Variants in MYO5A observed in about 807,000 individuals in gnomAD.
MYO5A encodes unconventional myosin-Va.
In MYO5A, 98 loss-of-function variants were observed where a neutral mutation model predicts 249.7. The observed-to-expected ratio is 0.39, with a 90% CI of 0.33 to 0.46. The LOEUF (loss-of-function observed/expected upper bound fraction) is 0.46. Ranked by LOEUF, MYO5A falls within the 20% of genes least tolerant of loss-of-function variation. MYO5A has a pLI of 0.98. For missense variants in MYO5A, 1,696 were observed against 2,308.8 expected (o/e 0.73, Z 5.44); for synonymous variants, 778 against 810.6 (o/e 0.96, Z 0.68).
intron 9 of MYO5A, 123 bp from the exon 10 acceptor site, chr15:52,397,589 A>G: frequency 8.6e-7 from 1 of 1,156,528 alleles, no homozygotes; most frequent in East Asian, 2.5e-5. Context: ...AAACACCAAG[A>G]TCACTCAAAG....
At chr15:52,448,480 AT>A (rs2075942630) in intron 1 of MYO5A, among the ~76,000 whole-genome samples, 2 of 152,100 alleles carry the variant, frequency 1.3e-5, no homozygotes, top group South Asian at 4.1e-4. Context: ...CTCAAATGAG[AT>A]TTTGGATTTT....
intron 27 of MYO5A, 141 bp from the exon 28 acceptor site, chr15:52,351,622 C>T (rs926427183): frequency 7.6e-6 from 6 of 788,116 alleles, no homozygotes; most frequent in Non-Finnish European, 1.0e-5. Flanking sequence ...CTAGGTTCTG[C>T]CAGGAGCCCT....
At chr15:52,477,451 C>T (rs968580004) in intron 1 of MYO5A, among the ~76,000 whole-genome samples, 10 of 152,190 alleles carry the variant, frequency 6.6e-5, no homozygotes, top group East Asian at 3.8e-4. Context: ...CAAGGAGCTG[C>T]GTTCCTTTGT....
At chr15:52,526,120 G>A (rs1390535224) in intron 1 of MYO5A, among the ~76,000 whole-genome samples, 1 of 152,242 alleles carries the variant, frequency 6.6e-6, no homozygotes, top group Non-Finnish European at 1.5e-5. Flanking sequence ...AGAAGGCAGT[G>A]TAAGCCCCAA....
Position 52,416,135 on chromosome 15 carries a change from G to C in MYO5A, c.612+10C>G. On this transcript the variant is annotated intron_variant, in intron 5 of 41. Coordinates refer to ENST00000399233, the MANE Select transcript of MYO5A (RefSeq NM_001382347.1). ...AATATAGGAAGAAAGCCGAAGACTC[G>C]CTGTCTTACCTCCATGATGGGGTTG... The C allele has an allele frequency of 6.2e-7, 1 of 1,613,518 alleles. No individual in the cohort carries two copies. Among genetic ancestry groups the C allele is most frequent in the Non-Finnish European group, 8.5e-7 (1 of 1,179,664 alleles).
chr15:52,410,469 C>T lies in MYO5A; in HGVS notation c.620G>A (p.Gly207Glu). 1 of 1,612,774 alleles carries T rather than the reference C, an allele frequency of 6.2e-7. No homozygotes were observed. The highest frequency in any genetic ancestry group is 8.5e-7 in the Non-Finnish European group (1 of 1,179,036). The change falls in exon 6 of 42, where the codon GGA (glycine) becomes GAA (glutamate). Residue 207 changes from glycine (G) to glutamate (E), a missense_variant. Physicochemically the swap from Gly to Glu is moderately conservative, Grantham distance 98. Around this residue, in one of 5 missense-constraint regions of MYO5A, gnomAD observed 197 missense variants for 320.3 expected, o/e 0.62. Coordinates refer to ENST00000399233, the MANE Select transcript of MYO5A (RefSeq NM_001382347.1). Reference sequence around the variant, plus strand: ...ATCATTCCTGGTTGTTTTAGCATTTCCAATGGACTAAAAAGCAAGGGAGAA... The same window carrying T: ...ATCATTCCTGGTTGTTTTAGCATTTTCAATGGACTAAAAAGCAAGGGAGAA... ...LASNPIMESI[G>E]NAKTTRNDNS...
intron 1 of MYO5A, among the ~76,000 whole-genome samples, chr15:52,440,255 C>CT (rs1199287897): frequency 7.6e-5 from 11 of 144,868 alleles, no homozygotes; most frequent in African/African-American, 7.4e-5. Context: ...CACCAGCCAT[C>CT]TTTTTTTTTT....
intron 1 of MYO5A, among the ~76,000 whole-genome samples, chr15:52,521,192 C>A (rs1012274497): frequency 6.0e-5 from 9 of 150,060 alleles, no homozygotes; most frequent in Non-Finnish European, 1.2e-4. Context: ...CACGCCACTG[C>A]ACTCCAGCCT....
At chr15:52,504,289 G>C (rs571779898) in intron 1 of MYO5A, among the ~76,000 whole-genome samples, 6 of 152,176 alleles carry the variant, frequency 3.9e-5, no homozygotes, top group African/African-American at 1.4e-4. Flanking sequence ...CCTCTGTCAT[G>C]TTCAGGTTTC....
intron 4 of MYO5A, among the ~76,000 whole-genome samples, chr15:52,418,772 C>A (rs1320503126): frequency 8.4e-6 from 1 of 119,428 alleles, no homozygotes; most frequent in African/African-American, 3.3e-5. Flanking sequence ...GAGAGAGAGC[C>A]GGGGTGGGGG....
intron 14 of MYO5A, among the ~76,000 whole-genome samples, chr15:52,385,648 C>T (rs1489551168): frequency 6.6e-6 from 1 of 151,952 alleles, no homozygotes; most frequent in Non-Finnish European, 1.5e-5. Flanking sequence ...CATAAATACA[C>T]AAACATACTC....
At chr15:52,348,721 G>T in intron 29 of MYO5A, 97 bp downstream of exon 29, 1 of 1,035,072 alleles carries the variant, frequency 9.7e-7, no homozygotes, top group Non-Finnish European at 1.4e-6. Flanking sequence ...AATAGACTTG[G>T]TCAGAAAGCA....
At chr15:52,430,611 C>A (rs953090635) in intron 2 of MYO5A, among the ~76,000 whole-genome samples, 2 of 152,110 alleles carry the variant, frequency 1.3e-5, no homozygotes, top group Non-Finnish European at 2.9e-5. Flanking sequence ...TTTATAATGT[C>A]TGTTCTTCTT....
intron 4 of MYO5A, among the ~76,000 whole-genome samples, chr15:52,418,778 G>T (rs551884657): frequency 1.3e-5 from 2 of 152,092 alleles, no homozygotes; most frequent in East Asian, 1.9e-4. Context: ...GAGCCGGGGT[G>T]GGGGAGGGTG....
At chr15:52,336,673 T>G in intron 33 of MYO5A, 117 bp from the exon 34 acceptor site, 2 of 789,326 alleles carry the variant, frequency 2.5e-6, no homozygotes, top group Non-Finnish European at 4.1e-6. Flanking sequence ...TAAGAGCTCA[T>G]TGGTGGAGCC....
At chr15:52,502,549 T>A (rs1181456122) in intron 1 of MYO5A, among the ~76,000 whole-genome samples, 2 of 152,198 alleles carry the variant, frequency 1.3e-5, no homozygotes, top group East Asian at 3.8e-4. Flanking sequence ...AGAAATAATA[T>A]AACCTCTGAC....
At chr15:52,422,257 C>T (rs770606712) in intron 4 of MYO5A, among the ~76,000 whole-genome samples, 14 of 152,202 alleles carry the variant, frequency 9.2e-5, no homozygotes, top group Non-Finnish European at 1.9e-4. Flanking sequence ...GGATCCAGCT[C>T]AAGGATCCTG....
intron 1 of MYO5A, among the ~76,000 whole-genome samples, chr15:52,516,303 T>C (rs1241648761): frequency 6.6e-6 from 1 of 152,224 alleles, no homozygotes; most frequent in Admixed American, 6.5e-5. Context: ...GTATCTGGCC[T>C]ACAGTAAAGC....
intron 23 of MYO5A, 146 bp downstream of exon 23, chr15:52,366,885 G>T: frequency 1.4e-6 from 1 of 733,578 alleles, no homozygotes; most frequent in Non-Finnish European, 2.4e-6. Flanking sequence ...GTTGCCTCTT[G>T]GAACTTTATA....
Sources: allele counts gnomAD v4.1 joint callset (sites outside exome capture counted in the v4.1 genomes callset), GRCh38; gene constraint gnomAD v4.1.1; regional missense constraint gnomAD v4.1.1; transcripts MANE v1.5; gene names NCBI Gene and HGNC (gene_info 2026-07-23, HGNC 2026-07-21).